Variants in MYT1L observed in about 807,000 individuals in gnomAD.
The protein encoded by MYT1L is myelin transcription factor 1-like protein.
MYT1L carries 12 observed loss-of-function variants against 126.7 expected under a neutral mutation model. That is an observed-to-expected ratio of 0.09 (90% CI 0.06 to 0.15). The LOEUF is 0.15. Among genes scored for constraint, MYT1L ranks in the 10% least tolerant of loss-of-function variants. The pLI, the probability that MYT1L is intolerant of heterozygous loss-of-function variation, is 1.00. For missense variants in MYT1L, 979 were observed against 1,585.2 expected (o/e 0.62, Z 6.49); for synonymous variants, 541 against 604.2 (o/e 0.90, Z 1.53).
intron 18 of MYT1L, among the ~76,000 whole-genome samples, chr2:1,879,999 G>A (rs1278529581): frequency 1.3e-5 from 2 of 152,088 alleles, no homozygotes; most frequent in African/African-American, 2.4e-5. Context: ...AATTTAAAAT[G>A]TTCCAAAATT....
At chr2:1,963,497 T>C (rs551209036) in intron 8 of MYT1L, among the ~76,000 whole-genome samples, 1 of 152,306 alleles carries the variant, frequency 6.6e-6, no homozygotes, top group South Asian at 2.1e-4. Context: ...AGATATTGAC[T>C]TTTCCTCTCC....
intron 2 of MYT1L, among the ~76,000 whole-genome samples, chr2:2,221,054 C>T (rs1572586832): frequency 6.6e-6 from 1 of 152,266 alleles, no homozygotes; most frequent in South Asian, 2.1e-4. Flanking sequence ...ACTTGTGCAC[C>T]TTGGAATACT....
At chr2:2,038,163 C>G (rs1574730139) in intron 4 of MYT1L, among the ~76,000 whole-genome samples, 2 of 152,208 alleles carry the variant, frequency 1.3e-5, no homozygotes, top group African/African-American at 2.4e-5. Context: ...GTGTGCCTCT[C>G]ACGGGACTAT....
intron 3 of MYT1L, among the ~76,000 whole-genome samples, chr2:2,124,571 C>T (rs2081447015): frequency 6.6e-6 from 1 of 152,202 alleles, no homozygotes; most frequent in South Asian, 2.1e-4. Context: ...GCTGGGATTA[C>T]AGGTGTGAGC....
chr2:2,021,730 T>C (rs879480171), intron 4 of MYT1L, among the ~76,000 whole-genome samples: 33 of 152,140 alleles, frequency 2.2e-4, no homozygotes, highest in Non-Finnish European at 8.8e-5. Flanking sequence ...ACTCCGTCTC[T>C]ACTAAAAATA....
chr2:2,193,982 A>G (rs896937261), intron 2 of MYT1L, among the ~76,000 whole-genome samples: 1 of 152,068 alleles, frequency 6.6e-6, no homozygotes, highest in Admixed American at 6.6e-5. Flanking sequence ...TCTCTAAATC[A>G]TTATAGTGAT....
At chr2:1,840,718 T>C (rs377243361) in intron 20 of MYT1L, 42 bp downstream of exon 20, 26 of 1,421,182 alleles carry the variant, frequency 1.8e-5, no homozygotes, top group Non-Finnish European at 2.3e-5. Context: ...CGTCCCCACA[T>C]GGCAGCCCTG....
chr2:1,814,099 G>T (rs1040800944), intron 21 of MYT1L, among the ~76,000 whole-genome samples: 1 of 150,890 alleles, frequency 6.6e-6, no homozygotes, highest in Non-Finnish European at 1.5e-5. Context: ...GTTGGGGGCC[G>T]CTGTCCTAGA....
intron 14 of MYT1L, 99 bp from the exon 15 acceptor site, chr2:1,892,386 A>AGCC: frequency 6.8e-7 from 1 of 1,460,398 alleles, no homozygotes; most frequent in Non-Finnish European, 9.1e-7. Context: ...AGCCACACAC[A>AGCC]GCCGCGTGGG....
intron 2 of MYT1L, among the ~76,000 whole-genome samples, chr2:2,175,284 T>C (rs1357410380): frequency 6.6e-6 from 1 of 152,068 alleles, no homozygotes; most frequent in East Asian, 1.9e-4. Flanking sequence ...GGTATCAGCA[T>C]CTGAGGTGCA....
intron 14 of MYT1L, among the ~76,000 whole-genome samples, chr2:1,894,235 C>T (rs750043252): frequency 2.0e-5 from 3 of 152,182 alleles, no homozygotes; most frequent in Non-Finnish European, 2.9e-5. Flanking sequence ...TTTGGGATGC[C>T]CCTCCTCTAG....
intron 3 of MYT1L, among the ~76,000 whole-genome samples, chr2:2,115,353 G>C (rs1040697438): frequency 1.3e-5 from 2 of 152,170 alleles, no homozygotes; most frequent in African/African-American, 4.8e-5. Flanking sequence ...GTGTTAAATA[G>C]ATTCGCTTTT....
intron 3 of MYT1L, among the ~76,000 whole-genome samples, chr2:2,113,420 C>G (rs1316366150): frequency 5.3e-5 from 8 of 152,174 alleles, no homozygotes; most frequent in Admixed American, 1.3e-4. Context: ...TCCAACAGCT[C>G]CACCAGCCAG....
At chr2:1,991,253 C>G (rs905945479) in intron 5 of MYT1L, among the ~76,000 whole-genome samples, 8 of 152,162 alleles carry the variant, frequency 5.3e-5, no homozygotes, top group Admixed American at 1.3e-4. Flanking sequence ...ATCCCACCTA[C>G]GCTTCCACAT....
intron 14 of MYT1L, among the ~76,000 whole-genome samples, chr2:1,902,023 G>A (rs951693900): frequency 1.3e-5 from 2 of 152,162 alleles, no homozygotes; most frequent in African/African-American, 2.4e-5. Flanking sequence ...CTTCCCCTGT[G>A]CTAGAGAGCA....
chr2:2,007,926 G>A (rs546610713), intron 4 of MYT1L, among the ~76,000 whole-genome samples: 3 of 152,326 alleles, frequency 2.0e-5, no homozygotes, highest in East Asian at 1.9e-4. Context: ...CTGGTGAGGG[G>A]GAGGAGAGGA....
At chr2:1,993,478 A>T (rs1456764297) in intron 5 of MYT1L, among the ~76,000 whole-genome samples, 54 of 149,186 alleles carry the variant, frequency 3.6e-4, no homozygotes, top group African/African-American at 1.3e-3. Context: ...TTTTTCACTT[A>T]AAAAAAAATC....
At chr2:2,167,905 T>G (rs1294257975) in intron 3 of MYT1L, among the ~76,000 whole-genome samples, 1 of 152,250 alleles carries the variant, frequency 6.6e-6, no homozygotes, top group Non-Finnish European at 1.5e-5. Flanking sequence ...ACATCTGGCA[T>G]GTAGTAGTTG....
At chr2:1,863,699 G>T (rs747807687) in intron 18 of MYT1L, among the ~76,000 whole-genome samples, 1 of 148,914 alleles carries the variant, frequency 6.7e-6, no homozygotes, top group South Asian at 2.2e-4. Flanking sequence ...CAGTGGTGGC[G>T]ACAGTGGAAG....
Sources: allele counts gnomAD v4.1 joint callset (sites outside exome capture counted in the v4.1 genomes callset), GRCh38; gene constraint gnomAD v4.1.1; transcripts MANE v1.5; gene names NCBI Gene and HGNC (gene_info 2026-07-23, HGNC 2026-07-21).